MAF: variants seen among roughly 807,000 people sequenced by gnomAD.
MAF encodes the protein MAF bZIP transcription factor, also known as transcription factor Maf.
Under a neutral mutation model 22.0 loss-of-function variants are expected in MAF, and 10 were observed. That is an observed-to-expected ratio of 0.45 (90% CI 0.28 to 0.77). The LOEUF is 0.77. MAF is among the 30% of genes least tolerant of loss of function. The pLI is 0.12. For synonymous variants in MAF, 337 were observed against 255.8 expected, an observed-to-expected ratio of 1.32 and a Z score of -3.03; for missense variants, 544 against 548.4, an observed-to-expected ratio of 0.99 and a Z score of 0.08.
chr16:79,215,000 A>G, the MAF span, among the ~76,000 whole-genome samples: 2 of 152,170 alleles, frequency 1.3e-5, no homozygotes, highest in Non-Finnish European at 2.9e-5. Context: ...GTGAGCTACC[A>G]TGCTTGGCTA....
the MAF span, among the ~76,000 whole-genome samples, chr16:79,355,613 A>G: frequency 6.6e-6 from 1 of 152,326 alleles, no homozygotes; most frequent in African/African-American, 2.4e-5. Context: ...GTTATGTGAG[A>G]ATAAGCATAC....
the MAF span, among the ~76,000 whole-genome samples, chr16:79,435,410 G>C: frequency 6.6e-6 from 1 of 152,208 alleles, no homozygotes; most frequent in East Asian, 1.9e-4. Context: ...TAGGAAAACA[G>C]GTACCTTCTG....
the MAF span, among the ~76,000 whole-genome samples, chr16:79,525,838 A>T: frequency 6.6e-6 from 1 of 152,206 alleles, no homozygotes; most frequent in Non-Finnish European, 1.5e-5. Flanking sequence ...TTTCATGAAG[A>T]GTGCAATGTA....
the MAF span, among the ~76,000 whole-genome samples, chr16:79,214,252 G>A: frequency 1.3e-5 from 2 of 152,016 alleles, no homozygotes; most frequent in Non-Finnish European, 2.9e-5. Flanking sequence ...CATGAAATTT[G>A]TCTGTTTTCT....
chr16:79,576,586 C>T, the MAF span, among the ~76,000 whole-genome samples: 2 of 151,484 alleles, frequency 1.3e-5, no homozygotes, highest in East Asian at 1.9e-4. Flanking sequence ...TATAAACTAA[C>T]GTTGTATGTT....
At chr16:79,502,174 C>T in the MAF span, among the ~76,000 whole-genome samples, 1 of 152,148 alleles carries the variant, frequency 6.6e-6, no homozygotes, top group African/African-American at 2.4e-5. Flanking sequence ...CAGAAAGGTA[C>T]ATACGGTGGA....
chr16:79,426,070 G>A, the MAF span, among the ~76,000 whole-genome samples: 2 of 152,162 alleles, frequency 1.3e-5, no homozygotes, highest in Admixed American at 1.3e-4. Flanking sequence ...GCTGGGCATG[G>A]TGGCACATGC....
At chr16:79,382,947 G>GCATT in the MAF span, among the ~76,000 whole-genome samples, 3 of 152,084 alleles carry the variant, frequency 2.0e-5, no homozygotes, top group Non-Finnish European at 2.9e-5. Context: ...CTGTGCTCTA[G>GCATT]CATTCATTCA....
the MAF span, among the ~76,000 whole-genome samples, chr16:79,221,602 A>G: frequency 6.6e-6 from 1 of 152,226 alleles, no homozygotes; most frequent in South Asian, 2.1e-4. Context: ...TAATCCAGAA[A>G]TTCAAATTCT....
chr16:79,461,790 C>T, the MAF span, among the ~76,000 whole-genome samples: 1 of 152,082 alleles, frequency 6.6e-6, no homozygotes, highest in Non-Finnish European at 1.5e-5. Flanking sequence ...TGGAGAGGAT[C>T]CCTATGTAAG....
chr16:79,259,147 A>T, the MAF span, among the ~76,000 whole-genome samples: 1 of 152,196 alleles, frequency 6.6e-6, no homozygotes, highest in South Asian at 2.1e-4. Flanking sequence ...TAGAAACGAA[A>T]GCCAATTCCT....
At chr16:79,214,458 T>G in the MAF span, among the ~76,000 whole-genome samples, 1 of 152,160 alleles carries the variant, frequency 6.6e-6, no homozygotes, top group South Asian at 2.1e-4. Context: ...CGGGCTGCAG[T>G]GCAATGGCAT....
chr16:79,406,579 G>A, the MAF span, among the ~76,000 whole-genome samples: 2 of 152,104 alleles, frequency 1.3e-5, no homozygotes, highest in Non-Finnish European at 2.9e-5. Context: ...AAACATGAAA[G>A]TTCCACCCTC....
At chr16:79,230,831 T>C in the MAF span, among the ~76,000 whole-genome samples, 1 of 152,058 alleles carries the variant, frequency 6.6e-6, no homozygotes, top group Non-Finnish European at 1.5e-5. Flanking sequence ...TAATTATCCA[T>C]TTATTTTGGG....
chr16:79,215,634 C>G, the MAF span, among the ~76,000 whole-genome samples: 75,811 of 151,674 alleles, frequency 0.5, 20,505 homozygotes, highest in Non-Finnish European at 0.62. Context: ...CATGAGGCCT[C>G]GGGGAACTTT....
At chr16:79,369,060 A>G in the MAF span, among the ~76,000 whole-genome samples, 1 of 152,230 alleles carries the variant, frequency 6.6e-6, no homozygotes, top group African/African-American at 2.4e-5. Flanking sequence ...AGTGTTGGAC[A>G]CACAGCAAGA....
At chr16:79,526,434 T>G in the MAF span, among the ~76,000 whole-genome samples, 1 of 152,190 alleles carries the variant, frequency 6.6e-6, no homozygotes, top group African/African-American at 2.4e-5. Context: ...TGGCTGTATA[T>G]ACACGTGAAG....
the MAF span, among the ~76,000 whole-genome samples, chr16:79,426,490 C>T: frequency 1.3e-5 from 2 of 152,268 alleles, no homozygotes; most frequent in Admixed American, 6.5e-5. Context: ...TTCCCTCATA[C>T]TGTTAGTTTC....
At chr16:79,276,114 C>A in the MAF span, among the ~76,000 whole-genome samples, 8 of 151,470 alleles carry the variant, frequency 5.3e-5, no homozygotes, top group African/African-American at 1.7e-4. Context: ...TCATTCCATC[C>A]TGGGGACAGA....
Sources: gnomAD v4.1 joint callset for allele counts (sites outside exome capture counted in the v4.1 genomes callset) on GRCh38, gnomAD v4.1.1 for gene constraint, MANE v1.5 for transcripts, NCBI Gene and HGNC (gene_info 2026-07-23, HGNC 2026-07-21) for gene names.